The following ITPK1 variants were observed in gnomAD, a reference collection of about 807,000 sequenced individuals.
ITPK1 encodes the protein inositol 1,3,4-trisphosphate 5/6-kinase.
ITPK1 carries 21 observed loss-of-function variants against 45.3 expected under a neutral mutation model. That is an observed-to-expected ratio of 0.46 (90% CI 0.33 to 0.67). ITPK1 has a LOEUF of 0.67. ITPK1 is among the 30% of genes least tolerant of loss of function. The pLI is 0.02. For missense variants in ITPK1, 474 were observed against 573.5 expected, an observed-to-expected ratio of 0.83 and a Z score of 1.77; for synonymous variants, 258 against 253.6, an observed-to-expected ratio of 1.02 and a Z score of -0.16.
chr14:93,100,432 A>C (rs1387773556), intron 2 of ITPK1, among the ~76,000 whole-genome samples: 2 of 152,124 alleles, frequency 1.3e-5, no homozygotes, highest in Non-Finnish European at 2.9e-5. Context: ...CTGGCTGAGA[A>C]TAAGGATTGA....
At chr14:93,068,223 G>A (rs1175902932) in intron 3 of ITPK1, 2 of 152,242 alleles carry the variant, frequency 1.3e-5, no homozygotes, top group East Asian at 3.8e-4. Context: ...TCCACAGCCA[G>A]GAAACAGACT....
chr14:93,084,674 G>A (rs1891578673), intron 2 of ITPK1, among the ~76,000 whole-genome samples: 1 of 152,178 alleles, frequency 6.6e-6, no homozygotes, highest in Admixed American at 6.5e-5. Flanking sequence ...CAAATTCTTA[G>A]CAAAACACCT....
intron 2 of ITPK1, among the ~76,000 whole-genome samples, chr14:93,105,242 G>C (rs910404862): frequency 6.6e-6 from 1 of 152,176 alleles, no homozygotes; most frequent in Admixed American, 6.5e-5. Context: ...GCCAGCCTGG[G>C]AACCTCTGGC....
intron 2 of ITPK1, among the ~76,000 whole-genome samples, chr14:93,088,428 C>G (rs1891738972): frequency 1.3e-5 from 2 of 149,598 alleles, no homozygotes; most frequent in African/African-American, 4.9e-5. Context: ...CAGCCTTGAC[C>G]TCCTGGGTTC....
rs757720053 is a variant in ITPK1 at position 92,993,944 on chromosome 14, G to A, written c.300C>T (p.Ile100=). 1.9e-5 allele frequency: 30 copies of A among 1,614,056 alleles called. No homozygotes were observed. Among genetic ancestry groups the A allele is most frequent in the Non-Finnish European group, 2.5e-5 (30 of 1,179,958 alleles). The change falls in exon 5 of 11, where the codon ATC becomes ATT. Residue 100 remains isoleucine, a synonymous_variant. Coordinates refer to ENST00000267615, the MANE Select transcript of ITPK1 (RefSeq NM_014216.6). The stretch of plus-strand genomic sequence containing the variant: ...ACTTGGAGCGGTCAAGCAGGGTTCT[G>A]ATGGCAGGGAGCGGGTCCAGGACGA... The part of the protein sequence containing the change: ...ETIVLDPLPA[I]RTLLDRSKSY...
chr14:92,990,195 C>G (rs1403811219), intron 5 of ITPK1, among the ~76,000 whole-genome samples: 1 of 152,164 alleles, frequency 6.6e-6, no homozygotes, highest in Non-Finnish European at 1.5e-5. Flanking sequence ...GTCCCTTCTC[C>G]CAGCACAAAA....
intron 4 of ITPK1, among the ~76,000 whole-genome samples, chr14:92,997,219 C>T (rs557988008): frequency 6.6e-6 from 1 of 152,338 alleles, no homozygotes; most frequent in East Asian, 1.9e-4. Flanking sequence ...CCTTCCTCCC[C>T]TCGAAGTCCC....
intron 3 of ITPK1, among the ~76,000 whole-genome samples, chr14:93,017,665 G>A (rs1210124882): frequency 7.2e-5 from 11 of 152,208 alleles, no homozygotes; most frequent in Non-Finnish European, 1.5e-4. Flanking sequence ...GCGCCAGCCC[G>A]GCACCTGGCT....
intron 4 of ITPK1, among the ~76,000 whole-genome samples, chr14:93,003,432 C>T (rs1412959080): frequency 6.6e-6 from 1 of 152,214 alleles, no homozygotes; most frequent in Non-Finnish European, 1.5e-5. Flanking sequence ...TTGATTACAG[C>T]TTACAGAAAA....
chr14:93,013,685 G>A (rs1888030881), intron 4 of ITPK1, among the ~76,000 whole-genome samples: 1 of 152,202 alleles, frequency 6.6e-6, no homozygotes, highest in Non-Finnish European at 1.5e-5. Context: ...CCCCAGCTCT[G>A]GGTGCTGCTT....
rs959581048 is a variant in ITPK1 at position 93,103,236 on chromosome 14, C to G, written c.95+11833G>C. 4.0e-5 allele frequency among the ~76,000 whole-genome samples: 6 copies of G among 151,672 alleles called. No homozygotes were observed. In the East Asian group the frequency reaches 7.7e-4, roughly 20 times the overall value. On this transcript the variant is annotated intron_variant, in intron 2 of 10. Coordinates refer to ENST00000267615, the MANE Select transcript of ITPK1 (RefSeq NM_014216.6). Reference sequence around the variant, plus strand: ...GAGTTCAAGACCAGCCTGACCAACACAGTGAAACCCCATCTCTACTAAAAA... The same window carrying G: ...GAGTTCAAGACCAGCCTGACCAACAGAGTGAAACCCCATCTCTACTAAAAA...
At chr14:93,106,629 A>G (rs1399880145) in intron 2 of ITPK1, among the ~76,000 whole-genome samples, 1 of 152,146 alleles carries the variant, frequency 6.6e-6, no homozygotes, top group African/African-American at 2.4e-5. Context: ...CCACTGCGCC[A>G]TAGTTCTCTC....
rs1890605811 is a variant in ITPK1 at position 93,063,212 on chromosome 14, C to T, written c.120+13383G>A. ...AATAACTTATTTCTACTTGGCAGGG[C>T]CTGCGGCAAAAATACTGCCTGGGCA... On this transcript the variant is annotated intron_variant, in intron 3 of 10. Transcript: ENST00000267615. The surrounding 1 kb of genome is among the most constrained non-coding windows in gnomAD (Gnocchi z 4.3). 6.6e-6 allele frequency among the ~76,000 whole-genome samples: 1 copy of T among 152,222 alleles called. No homozygotes were observed. Among genetic ancestry groups the T allele is most frequent in the Admixed American group, 6.5e-5 (1 of 15,292 alleles).
At chr14:93,113,350 C>T (rs1055862984) in intron 2 of ITPK1, among the ~76,000 whole-genome samples, 2 of 152,148 alleles carry the variant, frequency 1.3e-5, no homozygotes, top group Non-Finnish European at 2.9e-5. Context: ...TGAGTCTCGG[C>T]GAAGAATATT....
At chr14:93,102,086 CT>C (rs1566787068) in intron 2 of ITPK1, among the ~76,000 whole-genome samples, 1 of 152,272 alleles carries the variant, frequency 6.6e-6, no homozygotes, top group Non-Finnish European at 1.5e-5. Context: ...TCCCCTGCCC[CT>C]AACCCTCCAC....
intron 3 of ITPK1, among the ~76,000 whole-genome samples, chr14:93,065,874 TC>T (rs1890723519): frequency 6.6e-6 from 1 of 152,196 alleles, no homozygotes; most frequent in Non-Finnish European, 1.5e-5. Context: ...AACAGCAATT[TC>T]CAAGGTGTTT....
rs1311549701 is a variant in ITPK1, at chr14:92,958,645, C to T, written c.505-279G>A. Reference sequence around the variant, plus strand: ...CTGTGCACTGCACAACTTCTGAGAGCGTGACACCACTTGTCGCACTGTGGT... The same window carrying T: ...CTGTGCACTGCACAACTTCTGAGAGTGTGACACCACTTGTCGCACTGTGGT... On this transcript the variant is annotated intron_variant, in intron 7 of 10. Transcript: ENST00000267615. This position sits in a 1 kb window ranked among gnomAD's most constrained non-coding sequence, Gnocchi z 4.4. Among the ~76,000 whole-genome samples, 3 of 152,186 alleles carry T rather than the reference C, an allele frequency of 2.0e-5. No homozygotes were observed. The highest frequency in any genetic ancestry group is 2.9e-5 in the Non-Finnish European group (2 of 68,036).
At chr14:92,951,174 G>A (rs1049241086) in intron 9 of ITPK1, among the ~76,000 whole-genome samples, 2 of 152,242 alleles carry the variant, frequency 1.3e-5, no homozygotes, top group Non-Finnish European at 2.9e-5. Flanking sequence ...CCTGGCAGAG[G>A]GCTCTTGAGT....
intron 2 of ITPK1, among the ~76,000 whole-genome samples, chr14:93,112,201 A>G (rs1042909618): frequency 1.3e-5 from 2 of 152,160 alleles, no homozygotes; most frequent in African/African-American, 4.8e-5. Context: ...AGGCAATCTC[A>G]AGGTAGCCAG....
Sources: gnomAD v4.1 joint callset for allele counts (sites outside exome capture counted in the v4.1 genomes callset) on GRCh38, gnomAD v4.1.1 for gene constraint, Gnocchi (gnomAD v3.1) non-coding constraint, MANE v1.5 for transcripts, NCBI Gene and HGNC (gene_info 2026-07-23, HGNC 2026-07-21) for gene names.